Variants in USP9X observed in about 807,000 individuals in gnomAD.
The protein encoded by USP9X is ubiquitin specific peptidase 9 X-linked.
Under a neutral mutation model 190.3 loss-of-function variants are expected in USP9X, and 7 were observed. The ratio of observed to expected loss-of-function variants is 0.04; its 90% CI spans 0.02 to 0.07. The LOEUF is 0.07. USP9X is among the 10% of genes least tolerant of loss of function. The pLI is 1.00. For synonymous variants in USP9X, 645 were observed against 659.5 expected (o/e 0.98, Z 0.34); for missense variants, 1,010 against 1,916.9 (o/e 0.53, Z 8.83).
At position 41,232,370 on chromosome X, in the gene USP9X, C is replaced by G. The variant is rs767229127; in HGVS notation, c.7528-17C>G. On this transcript the variant is annotated splice_polypyrimidine_tract_variant and intron_variant, in intron 44 of 44. Transcript: ENST00000378308. Reference sequence around the variant, plus strand: ...ATGTGAAAAGTTTTAACATACAGATCTTTTCTCCTTTCCCAGAATAACCAT... The same window carrying G: ...ATGTGAAAAGTTTTAACATACAGATGTTTTCTCCTTTCCCAGAATAACCAT... 8.3e-6 allele frequency: 10 copies of G among 1,200,251 alleles called. No homozygotes were observed. Among genetic ancestry groups the G allele is most frequent in the Non-Finnish European group, 1.1e-5 (10 of 889,999 alleles).
intron 24 of USP9X, among the ~76,000 whole-genome samples, chrX:41,187,594 A>G (rs1219871072): frequency 8.9e-6 from 1 of 112,531 alleles, no homozygotes; most frequent in Non-Finnish European, 1.9e-5. Context: ...TTGTAGTAGT[A>G]AAATGTAATA....
chrX:41,134,774 A>G lies in USP9X; in HGVS notation c.372A>G (p.Leu124=). Residue 124 remains leucine, a synonymous_variant, in exon 5 of 45, where the codon CTA becomes CTG. Transcript: ENST00000378308. ...GTCAGCGATTTTTCCGTGATGGGCT[A>G]ACAATATCATTCACTAAAATTCTTA... ...EACQRFFRDG[L]TISFTKILTD... The G allele has an allele frequency of 8.3e-7, 1 of 1,211,356 alleles. No individual in the cohort carries two copies. Among genetic ancestry groups the G allele is most frequent in the East Asian group, 3.0e-5 (1 of 33,828 alleles).
intron 1 of USP9X, among the ~76,000 whole-genome samples, chrX:41,095,769 A>T (rs1225051480): frequency 8.9e-6 from 1 of 111,885 alleles, no homozygotes; most frequent in Non-Finnish European, 1.9e-5. Flanking sequence ...GTGAAAGGAG[A>T]CATTAGATTT....
At chrX:41,179,772 C>G (rs1488094239) in intron 21 of USP9X, among the ~76,000 whole-genome samples, 1 of 111,358 alleles carries the variant, frequency 9.0e-6, no homozygotes, top group Admixed American at 9.6e-5. Flanking sequence ...TGTGCCTTCC[C>G]AAGTGTTTGT....
intron 35 of USP9X, 95 bp from the exon 36 acceptor site, chrX:41,217,125 A>G: frequency 2.3e-5 from 23 of 1,017,617 alleles, no homozygotes; most frequent in Non-Finnish European, 2.4e-5. Context: ...TTCTTAACAA[A>G]TTTAGGACTT....
chrX:41,209,102 G>T (rs1379192303), intron 32 of USP9X, among the ~76,000 whole-genome samples: 1 of 111,469 alleles, frequency 9.0e-6, no homozygotes, highest in Non-Finnish European at 1.9e-5. Context: ...TCAGAATAAG[G>T]CAATTTTCCT....
At chrX:41,220,953 A>C (rs2063257363) in intron 38 of USP9X, among the ~76,000 whole-genome samples, 2 of 102,060 alleles carry the variant, frequency 2.0e-5, no homozygotes, top group Non-Finnish European at 4.0e-5. Flanking sequence ...CAAAAAAAAA[A>C]AAAAAACTTG....
At chrX:41,200,916 A>C (rs911800567) in intron 30 of USP9X, 144 bp from the exon 31 acceptor site, 1 of 566,028 alleles carries the variant, frequency 1.8e-6, no homozygotes, top group African/African-American at 2.3e-5. Flanking sequence ...ATGAAGTGCA[A>C]ACTCAGAACA....
rs748516364 is a variant in USP9X, at chrX:41,149,385, T to C, written c.1626+810T>C. On this transcript the variant is annotated intron_variant, in intron 12 of 44. Transcript: ENST00000378308. ...CTGGCATAGTGATGTACACATTCAT[T>C]CATGAATAGTTACTGAGTTTCACTG... 7.2e-5 allele frequency among the ~76,000 whole-genome samples: 8 copies of C among 111,690 alleles called. No homozygotes were observed. In the East Asian group the frequency reaches 1.7e-3, roughly 24 times the overall value.
At chrX:41,097,229 T>C (rs1050971281) in intron 1 of USP9X, among the ~76,000 whole-genome samples, 1 of 112,335 alleles carries the variant, frequency 8.9e-6, no homozygotes, top group Admixed American at 9.5e-5. Context: ...CATAACTTGC[T>C]AAAAAGTGAT....
intron 14 of USP9X, among the ~76,000 whole-genome samples, chrX:41,156,209 C>A (rs1295870908): frequency 8.9e-6 from 1 of 111,993 alleles, no homozygotes; most frequent in Non-Finnish European, 1.9e-5. Flanking sequence ...TCTATTAAAT[C>A]TGCAAAACAG....
At chrX:41,144,125 G>A (rs1297507979) in intron 10 of USP9X, among the ~76,000 whole-genome samples, 1 of 110,990 alleles carries the variant, frequency 9.0e-6, no homozygotes, top group Non-Finnish European at 1.9e-5. Context: ...AGGTTTGTAT[G>A]AACCGCCAAA....
Position 41,198,824 on chromosome X carries a change from A to C in USP9X, c.4603+74A>C, listed in dbSNP as rs960698147. The C allele has an allele frequency of 3.1e-5, 29 of 947,822 alleles. No homozygotes were observed. In the African/African-American group the frequency reaches 4.5e-4, roughly 15 times the overall value. The allele number at this position is 947,822 out of a possible 1,213,427, so 78.1% of individuals were successfully genotyped here. On this transcript the variant is annotated intron_variant, in intron 30 of 44. Transcript: ENST00000378308. The stretch of plus-strand genomic sequence containing the variant: ...AGTTGTTTTCCTGTTTTTCTTTCAG[A>C]AAATATTTCCAACTTACGTATTTCT...
At position 41,186,646 on chromosome X, in the gene USP9X, A is replaced by G; in HGVS notation, c.3684+4A>G. On this transcript the variant is annotated splice_donor_region_variant and intron_variant, in intron 24 of 44. Coordinates refer to ENST00000378308, the MANE Select transcript of USP9X (RefSeq NM_001039591.3). ...TGCTCAGCAGATATCTGATGAGGTT[A>G]GTTTTATCAAGACTTCTGTCACAAT... 1.7e-6 allele frequency: 2 copies of G among 1,209,225 alleles called. No individual in the cohort carries two copies. Among genetic ancestry groups the G allele is most frequent in the Non-Finnish European group, 2.2e-6 (2 of 894,191 alleles).
chrX:41,128,547 A>T (rs1331262011), intron 2 of USP9X, among the ~76,000 whole-genome samples: 1 of 112,273 alleles, frequency 8.9e-6, no homozygotes, highest in African/African-American at 3.2e-5. Context: ...GTAAAAATTT[A>T]CAATGCAGTT....
intron 6 of USP9X, among the ~76,000 whole-genome samples, chrX:41,137,258 T>C (rs903815879): frequency 8.1e-5 from 9 of 111,499 alleles, no homozygotes; most frequent in African/African-American, 2.9e-4. Context: ...TTTGGGTTAG[T>C]AGGAAACAGA....
intron 2 of USP9X, among the ~76,000 whole-genome samples, chrX:41,126,329 C>A (rs1421315209): frequency 1.8e-5 from 2 of 111,763 alleles, no homozygotes; most frequent in African/African-American, 6.5e-5. Flanking sequence ...AATTTGTTAG[C>A]CAGTATTCAG....
intron 36 of USP9X, 81 bp downstream of exon 36, chrX:41,217,424 C>A: frequency 1.9e-6 from 2 of 1,035,120 alleles, no homozygotes; most frequent in Non-Finnish European, 2.5e-6. Flanking sequence ...TTTTTCTAAA[C>A]CAAGAGAATT....
At chrX:41,109,437 T>C (rs944460603) in intron 1 of USP9X, among the ~76,000 whole-genome samples, 1 of 112,126 alleles carries the variant, frequency 8.9e-6, no homozygotes, top group Non-Finnish European at 1.9e-5. Context: ...ATGCTCGATA[T>C]GGAGGAGGTT....
Sources: allele counts gnomAD v4.1 joint callset (sites outside exome capture counted in the v4.1 genomes callset), GRCh38; gene constraint gnomAD v4.1.1; transcripts MANE v1.5; gene names NCBI Gene and HGNC (gene_info 2026-07-23, HGNC 2026-07-21).